The following NMRK2 variants were observed in gnomAD, a reference collection of about 807,000 sequenced individuals.
NMRK2 encodes NRK 2.
In NMRK2, 34 loss-of-function variants were observed where a neutral mutation model predicts 24.7. The ratio of observed to expected loss-of-function variants is 1.37; its 90% confidence interval spans 1.05 to 1.83. The LOEUF is 1.83. Ranked by LOEUF, NMRK2 falls within the 40% of genes most tolerant of loss-of-function variation. The pLI is 0.00. For missense variants in NMRK2, 341 were observed against 315.0 expected, an observed-to-expected ratio of 1.08 and a Z score of -0.62; for synonymous variants, 145 against 125.6, an observed-to-expected ratio of 1.15 and a Z score of -1.03.
intron 2 of NMRK2, 152 bp downstream of exon 2, chr19:3,933,849 T>TG: frequency 1.5e-6 from 1 of 672,338 alleles, no homozygotes; most frequent in Non-Finnish European, 2.2e-6. Context: ...TTTTCTGCCC[T>TG]GGGGGTCTCG....
At chr19:3,940,832 G>A (rs369336955) in intron 6 of NMRK2, among the ~76,000 whole-genome samples, 7 of 152,160 alleles carry the variant, frequency 4.6e-5, no homozygotes, top group African/African-American at 1.7e-4. Flanking sequence ...TCTGTGCCAG[G>A]TGCCCAGAGC....
rs769032475 is a variant in NMRK2, at chr19:3,937,293, G to A, written c.166+5G>A. ...ACGGCTTCAAACAGTGGGACGGTAA[G>A]GACAAGCATCACCTCCAAGCCCCAC... On this transcript the variant is annotated splice_donor_5th_base_variant and intron_variant, in intron 4 of 7. Coordinates refer to ENST00000168977, the MANE Select transcript of NMRK2 (RefSeq NM_170678.3). The A allele has an allele frequency of 9.3e-6, 15 of 1,612,970 alleles. No individual in the cohort carries two copies. The highest frequency in any genetic ancestry group is 6.7e-5 in the East Asian group (3 of 44,880).
In NMRK2 at chr19:3,936,807, T is replaced by C. The variant is rs2039222445; in HGVS notation, c.117+142T>C. 5 of 658,938 alleles carry C rather than the reference T, an allele frequency of 7.6e-6. No homozygotes were observed. In the South Asian group the frequency reaches 1.0e-4, roughly 13 times the overall value. 40.8% of individuals were successfully genotyped at this position (658,938 alleles called of 1,614,324 possible). ...TCCCTGCCTGACCCCTCCTGGGGTC[T>C]CTGGGATAAACTGGGCCAGGAAAGT... On this transcript the variant is annotated intron_variant, in intron 3 of 7. Transcript: ENST00000168977.
chr19:3,934,099 T>C (rs2039169413), intron 2 of NMRK2, among the ~76,000 whole-genome samples: 1 of 151,850 alleles, frequency 6.6e-6, no homozygotes, highest in Non-Finnish European at 1.5e-5. Context: ...AATACAAAAA[T>C]TAGCTGGGCA....
At chr19:3,941,802 C>T (rs2039337702) in intron 7 of NMRK2, among the ~76,000 whole-genome samples, 1 of 151,852 alleles carries the variant, frequency 6.6e-6, no homozygotes. Flanking sequence ...GTCACCACAC[C>T]CATCTAATTT....
At chr19:3,936,028 T>G (rs2039206805) in intron 2 of NMRK2, among the ~76,000 whole-genome samples, 1 of 152,020 alleles carries the variant, frequency 6.6e-6, no homozygotes, top group Admixed American at 6.6e-5. Context: ...CTGGCCGACA[T>G]GGCAAAACCC....
Position 3,933,612 on chromosome 19 carries a change from C to T in NMRK2, c.-60C>T. 1 of 1,511,818 alleles carries T rather than the reference C, an allele frequency of 6.6e-7. No individual in the cohort carries two copies. Among genetic ancestry groups the T allele is most frequent in the South Asian group, 1.2e-5 (1 of 82,690 alleles). The allele number at this position is 1,511,818 out of a possible 1,614,324, so 93.7% of individuals were successfully genotyped here. A position where few individuals can be genotyped will look rare whatever the true frequency, so the allele number is the denominator to read the frequency against. ...CCGGGACGCACTCCGGAGCGCACTGCGTGGTCGCACCCTACCCGGGCTGCC... is the reference window on the plus strand; with the variant it reads ...CCGGGACGCACTCCGGAGCGCACTGTGTGGTCGCACCCTACCCGGGCTGCC... On this transcript the variant is annotated 5_prime_UTR_variant, in exon 2 of 8. Coordinates refer to ENST00000168977, the MANE Select transcript of NMRK2 (RefSeq NM_170678.3).
At chr19:3,936,121 G>T (rs1309495909) in intron 2 of NMRK2, among the ~76,000 whole-genome samples, 5 of 151,698 alleles carry the variant, frequency 3.3e-5, no homozygotes, top group Admixed American at 1.3e-4. Flanking sequence ...TGAGGCAAAA[G>T]AATTGCTTGA....
intron 3 of NMRK2, among the ~76,000 whole-genome samples, chr19:3,937,020 G>T (rs1472987296): frequency 6.6e-6 from 1 of 152,080 alleles, no homozygotes; most frequent in Admixed American, 6.5e-5. Flanking sequence ...TTTCCCATCT[G>T]CAAAATAGAC....
chr19:3,942,298 A>G lies in NMRK2; in HGVS notation c.*25A>G. 2 of 1,570,450 alleles carry G rather than the reference A, an allele frequency of 1.3e-6. No individual in the cohort carries two copies. The highest frequency in any genetic ancestry group is 4.6e-5 in the East Asian group (2 of 43,408). On this transcript the variant is annotated 3_prime_UTR_variant, in exon 8 of 8. Transcript: ENST00000168977. ...AGCGTTTCCCTATGGGGGTGTCTGT[A>G]CGTAGGAGAGTGGAGGCCCCACTCC...
chr19:3,940,915 G>A (rs112539871), intron 6 of NMRK2, among the ~76,000 whole-genome samples, 156 bp from the exon 7 acceptor site: 41 of 152,250 alleles, frequency 2.7e-4, no homozygotes, highest in African/African-American at 7.9e-4. Context: ...TGAACATGCC[G>A]GAGGTTGGAG....
At chr19:3,936,434 A>T (rs780796020) in intron 2 of NMRK2, 141 bp from the exon 3 acceptor site, 40 of 561,854 alleles carry the variant, frequency 7.1e-5, no homozygotes, top group Non-Finnish European at 1.1e-4. Context: ...AATCAGAAAA[A>T]TCCTGGGAGC....
At chr19:3,938,238 TC>T (rs1261484653) in intron 4 of NMRK2, among the ~76,000 whole-genome samples, 15 of 113,102 alleles carry the variant, frequency 1.3e-4, no homozygotes, top group African/African-American at 4.5e-4. Flanking sequence ...CCGTCCACTG[TC>T]CCCCCGGGGT....
rs147125090 is a variant in NMRK2 at position 3,942,299 on chromosome 19, C to T, written c.*26C>T. On this transcript the variant is annotated 3_prime_UTR_variant, in exon 8 of 8. Coordinates refer to ENST00000168977, the MANE Select transcript of NMRK2 (RefSeq NM_170678.3). The stretch of plus-strand genomic sequence containing the variant: ...GCGTTTCCCTATGGGGGTGTCTGTA[C>T]GTAGGAGAGTGGAGGCCCCACTCCC... The T allele has an allele frequency of 9.1e-4, 1,431 of 1,568,160 alleles. 9 individuals are homozygous for T. The African/African-American group carries it at 0.018, about 19-fold the overall frequency.
intron 5 of NMRK2, among the ~76,000 whole-genome samples, chr19:3,939,063 G>A (rs2039278683): frequency 6.6e-6 from 1 of 151,442 alleles, no homozygotes; most frequent in African/African-American, 2.4e-5. Flanking sequence ...GGACCAGGAT[G>A]TTCTCAAACT....
At chr19:3,937,930 A>G (rs1439945387) in intron 4 of NMRK2, among the ~76,000 whole-genome samples, 146 of 31,378 alleles carry the variant, frequency 4.7e-3, no homozygotes, top group African/African-American at 6.3e-3. Flanking sequence ...CCCGGGGTCC[A>G]CCCTCCTGCA....
rs2039150500 is a variant in NMRK2, at chr19:3,933,467, AT to A, written c.-202del. On this transcript the variant is annotated 5_prime_UTR_variant, in exon 2 of 8. Coordinates refer to ENST00000168977, the MANE Select transcript of NMRK2 (RefSeq NM_170678.3). ...TTTAGGCAAAAGGCAGCCTGGAGCT[AT>A]TTCCATTCGGCGGCGGGAACAGGTG... 1.9e-6 allele frequency: 1 copy of A among 531,618 alleles called. No homozygotes were observed. The highest frequency in any genetic ancestry group is 2.4e-5 in the South Asian group (1 of 42,266). The allele number at this position is 531,618 out of a possible 1,614,324, so 32.9% of individuals were successfully genotyped here. A position where few individuals can be genotyped will look rare whatever the true frequency, so the allele number is the denominator to read the frequency against.
Position 3,939,936 on chromosome 19 carries a change from G to C in NMRK2, c.360G>C (p.Leu120=). 1 of 1,612,356 alleles carries C rather than the reference G, an allele frequency of 6.2e-7. No individual in the cohort carries two copies. Residue 120 remains leucine, a synonymous_variant, in exon 6 of 8, where the codon CTG becomes CTC. Coordinates refer to ENST00000168977, the MANE Select transcript of NMRK2 (RefSeq NM_170678.3). ...ACTTGTACAGCCGCCGGTACTTCCTGACCGTCCCGTATGAAGAGTGCAAGT... is the reference window on the plus strand; with the variant it reads ...ACTTGTACAGCCGCCGGTACTTCCTCACCGTCCCGTATGAAGAGTGCAAGT... ...LVDLYSRRYF[L]TVPYEECKWR...
Position 3,937,128 on chromosome 19 carries a change from G to A in NMRK2, c.118-112G>A, listed in dbSNP as rs147272075. ...TCTGAGGGTCAGGCAGAGCCCCCAC[G>A]CCTCAGGGACCTCAGCAGCTCCAGC... On this transcript the variant is annotated intron_variant, in intron 3 of 7. Coordinates refer to ENST00000168977, the MANE Select transcript of NMRK2 (RefSeq NM_170678.3). 306 of 996,988 alleles carry A rather than the reference G, an allele frequency of 3.1e-4. 3 individuals are homozygous for A. In the African/African-American group the frequency reaches 4.5e-3, roughly 15 times the overall value. The allele number at this position is 996,988 out of a possible 1,614,324, so 61.8% of individuals were successfully genotyped here. A position where few individuals can be genotyped will look rare whatever the true frequency, so the allele number is the denominator to read the frequency against.
Sources: allele counts gnomAD v4.1 joint callset (sites outside exome capture counted in the v4.1 genomes callset), GRCh38; gene constraint gnomAD v4.1.1; transcripts MANE v1.5; gene names NCBI Gene and HGNC (gene_info 2026-07-23, HGNC 2026-07-21).